Variants in C11orf54 observed in about 807,000 individuals in gnomAD.
C11orf54 encodes the protein beta-keto-L-gulonate decarboxylase.
Under a neutral mutation model 35.5 loss-of-function variants are expected in C11orf54, and 29 were observed. That is an observed-to-expected ratio of 0.82 (90% CI 0.61 to 1.11). C11orf54 has a LOEUF of 1.11. Among genes scored for constraint, C11orf54 ranks in the 50% most tolerant of loss-of-function variants. C11orf54 has a pLI of 0.00. For missense variants in C11orf54, 373 were observed against 369.2 expected (o/e 1.01, Z -0.08); for synonymous variants, 108 against 121.1 (o/e 0.89, Z 0.71).
intron 1 of C11orf54, chr11:93,742,067 G>C (rs1213325633): frequency 6.5e-6 from 1 of 153,836 alleles, no homozygotes; most frequent in Non-Finnish European, 1.4e-5. Flanking sequence ...GCACGCCCAG[G>C]TCTCCTCCCC....
chr11:93,756,437 G>A (rs1036153286), intron 6 of C11orf54, among the ~76,000 whole-genome samples: 2 of 148,922 alleles, frequency 1.3e-5, no homozygotes, highest in African/African-American at 2.5e-5. Context: ...AGGCCGCAAC[G>A]AGCTATGATC....
intron 3 of C11orf54, among the ~76,000 whole-genome samples, chr11:93,752,475 GCTGC>G (rs1193558229): frequency 6.6e-6 from 1 of 152,022 alleles, no homozygotes; most frequent in Non-Finnish European, 1.5e-5. Context: ...CTTGGCCATT[GCTGC>G]CTGACATTCT....
Position 93,762,141 on chromosome 11 carries a change from C to T in C11orf54, c.*453C>T, listed in dbSNP as rs1251861985. 1 of 152,032 alleles carries T rather than the reference C, an allele frequency of 6.6e-6. No individual in the cohort carries two copies. The highest frequency in any genetic ancestry group is 1.5e-5 in the Non-Finnish European group (1 of 68,074). The allele number at this position is 152,032 out of a possible 1,614,324, so 9.4% of individuals were successfully genotyped here. On this transcript the variant is annotated 3_prime_UTR_variant, in exon 9 of 9. Coordinates refer to ENST00000354421, the MANE Select transcript of C11orf54 (RefSeq NM_001286069.2). ...ATGTTTATACCTTGAATATAAATAT[C>T]AGGAATCATGCAATTATTTCTACTA...
intron 1 of C11orf54, among the ~76,000 whole-genome samples, chr11:93,743,965 C>T (rs1942306845): frequency 6.6e-6 from 1 of 152,078 alleles, no homozygotes; most frequent in Non-Finnish European, 1.5e-5. Context: ...CAACTGTAAC[C>T]CTCTCCCCAC....
At chr11:93,761,455 T>C (rs965883863) in intron 8 of C11orf54, 60 bp from the exon 9 acceptor site, 5 of 1,429,126 alleles carry the variant, frequency 3.5e-6, no homozygotes, top group East Asian at 4.8e-5. Context: ...AAGTTATCCC[T>C]CCCCCTTAAA....
rs71064779 is a variant in C11orf54, at chr11:93,752,746, G to GTTTTTT, written c.155-921_155-916dup. ...GTACATCTCACCTAGATCTCTCTGG[G>GTTTTTT]TTTTTTTTTTTTTTTTTTTTGAGAC... On this transcript the variant is annotated intron_variant, in intron 3 of 8. Transcript: ENST00000354421. Among the ~76,000 whole-genome samples the GTTTTTT allele has an allele frequency of 2.9e-5, 3 of 103,902 alleles. 1 individual carries two copies. The highest frequency in any genetic ancestry group is 5.7e-5 in the Non-Finnish European group (3 of 53,064). The allele number at this position is 103,902 out of a possible 152,430, so 68.2% of individuals were successfully genotyped here.
intron 1 of C11orf54, among the ~76,000 whole-genome samples, chr11:93,743,132 C>G (rs1009005915): frequency 2.0e-5 from 3 of 151,576 alleles, no homozygotes; most frequent in Non-Finnish European, 4.4e-5. Flanking sequence ...TCCCAAGTAG[C>G]TGGGACTACA....
chr11:93,749,984 C>T (rs1313380843), intron 2 of C11orf54, among the ~76,000 whole-genome samples: 1 of 152,146 alleles, frequency 6.6e-6, no homozygotes, highest in Non-Finnish European at 1.5e-5. Flanking sequence ...TTGTCTGTTA[C>T]CTTCACTGAA....
intron 5 of C11orf54, chr11:93,754,816 C>G (rs1398260338): frequency 6.6e-6 from 1 of 151,352 alleles, no homozygotes; most frequent in Admixed American, 6.6e-5. Flanking sequence ...TCACTGCAAC[C>G]TCCACCTCCC....
At chr11:93,751,803 A>G (rs1942846490) in intron 3 of C11orf54, among the ~76,000 whole-genome samples, 1 of 150,578 alleles carries the variant, frequency 6.6e-6, no homozygotes, top group African/African-American at 2.4e-5. Context: ...TACAAGAAAG[A>G]AGGAAAAATG....
Position 93,755,644 on chromosome 11 carries a change from C to CG in C11orf54, c.507+265dup, listed in dbSNP as rs201662309. On this transcript the variant is annotated intron_variant, in intron 6 of 8. Coordinates refer to ENST00000354421, the MANE Select transcript of C11orf54 (RefSeq NM_001286069.2). Reference sequence around the variant, plus strand: ...GTGTGTGCCTGTAATCCCAGCTACTCGGGGGGGCTGAGGTGAGAGAATCGC... The same window carrying CG: ...GTGTGTGCCTGTAATCCCAGCTACTCGGGGGGGGCTGAGGTGAGAGAATCGC... 4.2e-3 allele frequency among the ~76,000 whole-genome samples: 619 copies of CG among 148,546 alleles called. 18 individuals carry two copies. The East Asian group carries it at 0.079, about 19-fold the overall frequency.
chr11:93,761,514 G>A lies in C11orf54; in HGVS notation c.775-1G>A, dbSNP rs1196671772. ...AACATATTGTTTGTCTGTTATCTTA[G>A]GGGTTTGATTTGCGACTGGAGCACA... On this transcript the variant is annotated splice_acceptor_variant, in intron 8 of 8. Coordinates refer to ENST00000354421, the MANE Select transcript of C11orf54 (RefSeq NM_001286069.2). LOFTEE classifies it high-confidence loss of function. 4.4e-6 allele frequency: 7 copies of A among 1,601,342 alleles called. No homozygotes were observed. The highest frequency in any genetic ancestry group is 6.0e-6 in the Non-Finnish European group (7 of 1,174,776).
intron 1 of C11orf54, among the ~76,000 whole-genome samples, chr11:93,745,146 T>C (rs1259729260): frequency 1.3e-5 from 2 of 152,162 alleles, no homozygotes; most frequent in Non-Finnish European, 2.9e-5. Context: ...GAACGAATAG[T>C]CGGCTTTACA....
chr11:93,747,557 T>C (rs1249286071), intron 2 of C11orf54, 109 bp downstream of exon 2: 4 of 590,056 alleles, frequency 6.8e-6, no homozygotes, highest in Non-Finnish European at 1.1e-5. Flanking sequence ...ATCTATATCT[T>C]ACTTATCAAA....
chr11:93,743,177 T>G (rs531874543), intron 1 of C11orf54, among the ~76,000 whole-genome samples: 1 of 152,072 alleles, frequency 6.6e-6, no homozygotes, highest in African/African-American at 2.4e-5. Flanking sequence ...ATTTTTGTAC[T>G]TTTAGTAGAG....
chr11:93,748,082 A>G (rs893760024), intron 2 of C11orf54, among the ~76,000 whole-genome samples: 2 of 152,128 alleles, frequency 1.3e-5, no homozygotes, highest in Admixed American at 6.6e-5. Context: ...TAACTATAGA[A>G]CCTTCGCTTG....
In C11orf54 at chr11:93,742,496, G is replaced by T. The variant is rs1019098802; in HGVS notation, c.-98+768G>T. 5.9e-5 allele frequency among the ~76,000 whole-genome samples: 9 copies of T among 152,036 alleles called. 1 individual carries two copies. The highest frequency in any genetic ancestry group is 5.2e-4 in the Admixed American group (8 of 15,258). On this transcript the variant is annotated intron_variant, in intron 1 of 8. Transcript: ENST00000354421. ...GCGGGGGTTTCTCCATGTTGGTCAG[G>T]CTGGTCTCAAACTCCCGACCTCAGG... is the stretch of plus-strand genomic sequence containing the variant.
intron 3 of C11orf54, among the ~76,000 whole-genome samples, chr11:93,752,805 G>T (rs1338010699): frequency 7.3e-6 from 1 of 136,604 alleles, no homozygotes; most frequent in African/African-American, 2.8e-5. Context: ...CTGGAGTGCA[G>T]TGGCGCGATC....
rs942237442 is a variant in C11orf54 at position 93,764,470 on chromosome 11, T to C, written c.*2782T>C. On this transcript the variant is annotated 3_prime_UTR_variant, in exon 9 of 9. Transcript: ENST00000354421. ...GTCCTTTTAAGTTTCTGTGGTTTTG[T>C]GTACATTTCTTACGTTAGGGATTTC... 6.6e-6 allele frequency: 1 copy of C among 152,336 alleles called. No homozygotes were observed. Among genetic ancestry groups the C allele is most frequent in the South Asian group, 2.1e-4 (1 of 4,828 alleles). 9.4% of individuals were successfully genotyped at this position (152,336 alleles called of 1,614,324 possible). A position where few individuals can be genotyped will look rare whatever the true frequency, so the allele number is the denominator to read the frequency against.
Sources: gnomAD v4.1 joint callset for allele counts (sites outside exome capture counted in the v4.1 genomes callset) on GRCh38, gnomAD v4.1.1 for gene constraint, MANE v1.5 for transcripts, NCBI Gene and HGNC (gene_info 2026-07-23, HGNC 2026-07-21) for gene names.